NRG3: variants seen among roughly 807,000 people sequenced by gnomAD.
NRG3 encodes neuregulin 3, also known as pro-neuregulin-3, membrane-bound isoform.
A neutral mutation model predicts 66.9 loss-of-function variants in NRG3; 31 were observed. The ratio of observed to expected loss-of-function variants is 0.46; its 90% CI spans 0.35 to 0.63. NRG3 has a LOEUF of 0.63. Among genes scored for constraint, NRG3 ranks in the 20% least tolerant of loss-of-function variants. The pLI is 0.00. For synonymous variants in NRG3, 393 were observed against 359.4 expected, an observed-to-expected ratio of 1.09 and a Z score of -1.06; for missense variants, 910 against 878.9, an observed-to-expected ratio of 1.04 and a Z score of -0.45.
intron 2 of NRG3, among the ~76,000 whole-genome samples, chr10:82,418,044 T>C (rs2088707962): frequency 6.6e-6 from 1 of 152,228 alleles, no homozygotes; most frequent in Non-Finnish European, 1.5e-5. Context: ...GGTTTTAAAT[T>C]GCTATCAGAA....
At chr10:82,338,390 G>C (rs1427442564) in intron 1 of NRG3, among the ~76,000 whole-genome samples, 1 of 152,178 alleles carries the variant, frequency 6.6e-6, no homozygotes, top group Non-Finnish European at 1.5e-5. Context: ...AAAACATTAT[G>C]AGTATATTAG....
At chr10:81,982,418 C>T (rs7919759) in intron 1 of NRG3, among the ~76,000 whole-genome samples, 2,224 of 152,312 alleles carry the variant, frequency 0.015, 59 homozygotes, top group African/African-American at 0.05. Context: ...CTCTCACAGC[C>T]TCTACTCATT....
chr10:81,950,650 T>C (rs1355520735), intron 1 of NRG3, among the ~76,000 whole-genome samples: 1 of 152,232 alleles, frequency 6.6e-6, no homozygotes, highest in African/African-American at 2.4e-5. Flanking sequence ...TGTGTATCTA[T>C]GGATATCATC....
intron 2 of NRG3, among the ~76,000 whole-genome samples, chr10:82,707,657 G>C (rs1277579621): frequency 6.6e-6 from 1 of 151,224 alleles, no homozygotes; most frequent in African/African-American, 2.4e-5. Context: ...ACCTCCCAAA[G>C]TGCTGGGATT....
rs114193235 is a variant in NRG3, at chr10:82,907,565, T to C, written c.1054+42128T>C. On this transcript the variant is annotated intron_variant, in intron 4 of 8. Transcript: ENST00000372141. Reference sequence around the variant, plus strand: ...ATTAATTTATCATCAATTATTTAAATGGACTGTTTCTTAAACCAGTCTGTG... The same window carrying C: ...ATTAATTTATCATCAATTATTTAAACGGACTGTTTCTTAAACCAGTCTGTG... 6.6e-3 allele frequency among the ~76,000 whole-genome samples: 1,010 copies of C among 152,330 alleles called. 14 individuals carry two copies. Among genetic ancestry groups the C allele is most frequent in the African/African-American group, 0.024 (978 of 41,580 alleles).
intron 1 of NRG3, among the ~76,000 whole-genome samples, chr10:82,246,303 A>G (rs1269343370): frequency 6.6e-6 from 1 of 152,190 alleles, no homozygotes. Context: ...CACATACTGC[A>G]AAATGCTTGA....
intron 1 of NRG3, among the ~76,000 whole-genome samples, chr10:81,883,541 TG>T (rs1448417266): frequency 6.6e-6 from 1 of 152,164 alleles, no homozygotes; most frequent in Non-Finnish European, 1.5e-5. Context: ...GAAGTGATAG[TG>T]TGTATCATGG....
Position 82,975,546 on chromosome 10 carries a change from C to A in NRG3, c.1412+1631C>A, listed in dbSNP as rs1009955210. On this transcript the variant is annotated intron_variant, in intron 7 of 8. Transcript: ENST00000372141. Reference sequence around the variant, plus strand: ...CTTTTTGTTTGGATCAATGACATTGCAGTATCTGTTGGCATACACTGTGTC... The same window carrying A: ...CTTTTTGTTTGGATCAATGACATTGAAGTATCTGTTGGCATACACTGTGTC... Among the ~76,000 whole-genome samples, 3 of 152,142 alleles carry A rather than the reference C, an allele frequency of 2.0e-5. 1 individual carries two copies. The South Asian group carries it at 6.2e-4, about 32-fold the overall frequency.
intron 2 of NRG3, among the ~76,000 whole-genome samples, chr10:82,494,835 G>T (rs892147816): frequency 2.0e-5 from 3 of 151,982 alleles, no homozygotes; most frequent in Non-Finnish European, 4.4e-5. Context: ...CAGTTTTTTT[G>T]CGTGATTGAA....
At chr10:82,982,233 T>C (rs1343999144) in intron 8 of NRG3, among the ~76,000 whole-genome samples, 1 of 152,084 alleles carries the variant, frequency 6.6e-6, no homozygotes, top group Non-Finnish European at 1.5e-5. Flanking sequence ...TGGTTTGGAG[T>C]CGCCTAGAGA....
At chr10:82,871,669 G>C (rs1243704051) in intron 4 of NRG3, among the ~76,000 whole-genome samples, 2 of 151,706 alleles carry the variant, frequency 1.3e-5, no homozygotes, top group African/African-American at 4.8e-5. Flanking sequence ...TTTCATTTTG[G>C]GGGATGCTAA....
chr10:82,753,945 CAAAA>C (rs57793727), intron 3 of NRG3, among the ~76,000 whole-genome samples: 3 of 107,996 alleles, frequency 2.8e-5, no homozygotes, highest in East Asian at 2.8e-4. Context: ...GACTCCATCT[CAAAA>C]AAAAAAAAAA....
intron 1 of NRG3, among the ~76,000 whole-genome samples, chr10:82,033,229 A>G (rs1160796471): frequency 1.3e-5 from 2 of 152,188 alleles, no homozygotes; most frequent in East Asian, 3.9e-4. Context: ...TTGACAACTT[A>G]CAGATTTGTA....
At chr10:82,117,003 C>T (rs2067768019) in intron 1 of NRG3, among the ~76,000 whole-genome samples, 1 of 152,048 alleles carries the variant, frequency 6.6e-6, no homozygotes, top group African/African-American at 2.4e-5. Flanking sequence ...TGCTGACTGG[C>T]CCCCAATGCA....
intron 5 of NRG3, 88 bp from the exon 6 acceptor site, chr10:82,958,861 A>C: frequency 1.4e-6 from 2 of 1,384,982 alleles, no homozygotes; most frequent in Non-Finnish European, 1.9e-6. Flanking sequence ...CAAATAACAA[A>C]TATAGACACT....
At chr10:82,908,273 GA>G (rs1360135853) in intron 4 of NRG3, among the ~76,000 whole-genome samples, 2 of 152,202 alleles carry the variant, frequency 1.3e-5, no homozygotes, top group East Asian at 3.9e-4. Flanking sequence ...TGGTGCAGGA[GA>G]ATGTCTCAGT....
chr10:82,816,565 C>T (rs1408421008), intron 3 of NRG3, among the ~76,000 whole-genome samples: 3 of 151,992 alleles, frequency 2.0e-5, no homozygotes, highest in East Asian at 1.9e-4. Flanking sequence ...AGAAAAAGCA[C>T]CATAAGTTCT....
intron 1 of NRG3, among the ~76,000 whole-genome samples, chr10:81,978,100 G>T (rs895120286): frequency 2.0e-5 from 3 of 152,054 alleles, no homozygotes; most frequent in African/African-American, 7.2e-5. Flanking sequence ...ATCCTATAGT[G>T]CTATAGAATG....
chr10:82,208,756 C>T (rs2075255454), intron 1 of NRG3, among the ~76,000 whole-genome samples: 1 of 152,002 alleles, frequency 6.6e-6, no homozygotes, highest in Non-Finnish European at 1.5e-5. Context: ...AATACAGTTT[C>T]ATGCCTCATA....
Sources: gnomAD v4.1 joint callset for allele counts (sites outside exome capture counted in the v4.1 genomes callset) on GRCh38, gnomAD v4.1.1 for gene constraint, MANE v1.5 for transcripts, NCBI Gene and HGNC (gene_info 2026-07-23, HGNC 2026-07-21) for gene names.